Variants in MKRN2 observed in about 807,000 individuals in gnomAD.
The protein encoded by MKRN2 is makorin ring finger protein 2, also known as E3 ubiquitin-protein ligase makorin-2.
A neutral mutation model predicts 45.4 loss-of-function variants in MKRN2; 32 were observed. The observed-to-expected ratio is 0.70, with a 90% confidence interval of 0.53 to 0.95. The LOEUF is 0.95. MKRN2 is among the 40% of genes least tolerant of loss of function. The probability of loss-of-function intolerance (pLI) is 0.00; values close to 1 mark genes in which losing one functional copy is unlikely to be tolerated. For missense variants in MKRN2, 526 were observed against 536.7 expected (o/e 0.98, Z 0.20); for synonymous variants, 206 against 192.4 (o/e 1.07, Z -0.59).
intron 1 of MKRN2, among the ~76,000 whole-genome samples, chr3:12,557,538 G>A (rs2057988998): frequency 6.6e-6 from 1 of 152,266 alleles, no homozygotes; most frequent in South Asian, 2.1e-4. Flanking sequence ...TGAGTAAAGG[G>A]ACGCCGAGAG....
chr3:12,574,642 C>G (rs2058119695), intron 4 of MKRN2, 150 bp from the exon 5 acceptor site: 1 of 719,554 alleles, frequency 1.4e-6, no homozygotes, highest in Non-Finnish European at 2.4e-6. Flanking sequence ...AGTGTCCTGA[C>G]TTGGGGGAGC....
intron 4 of MKRN2, among the ~76,000 whole-genome samples, chr3:12,574,195 G>A (rs369538708): frequency 3.3e-5 from 5 of 152,228 alleles, no homozygotes; most frequent in African/African-American, 9.6e-5. Context: ...AGGTCTCTGC[G>A]GTGAGTGTTG....
intron 6 of MKRN2, among the ~76,000 whole-genome samples, chr3:12,579,210 C>A (rs2058162474): frequency 6.6e-6 from 1 of 152,106 alleles, no homozygotes; most frequent in Non-Finnish European, 1.5e-5. Context: ...GCTCTGTCAC[C>A]CAGGCTGGCA....
intron 7 of MKRN2, 50 bp from the exon 8 acceptor site, chr3:12,582,066 T>C: frequency 6.2e-7 from 1 of 1,611,644 alleles, no homozygotes; most frequent in Non-Finnish European, 8.5e-7. Context: ...AACGCAGCCT[T>C]CCTGTTGCTC....
Position 12,583,417 on chromosome 3 carries a change from A to AT in MKRN2, c.*1169dup, listed in dbSNP as rs1483990632. On this transcript the variant is annotated 3_prime_UTR_variant, in exon 8 of 8. Transcript: ENST00000170447. ...GTTTAGAGTACTTTCTGCTTAATTA[A>AT]TTTTTATACTTAACTCTTCAGTAGA... 2 of 182,778 alleles carry AT rather than the reference A, an allele frequency of 1.1e-5. No homozygotes were observed. The highest frequency in any genetic ancestry group is 2.3e-5 in the Non-Finnish European group (2 of 86,134). 11.3% of individuals were successfully genotyped at this position (182,778 alleles called of 1,614,324 possible). A position where few individuals can be genotyped will look rare whatever the true frequency, so the allele number is the denominator to read the frequency against.
intron 1 of MKRN2, among the ~76,000 whole-genome samples, chr3:12,559,986 G>A (rs1200906463): frequency 6.6e-6 from 1 of 152,172 alleles, no homozygotes. Flanking sequence ...CAGCTGGCAG[G>A]TGGTAGGAAG....
Position 12,570,086 on chromosome 3 carries a change from G to A in MKRN2, c.171G>A (p.Arg57=). 1 of 1,611,336 alleles carries A rather than the reference G, an allele frequency of 6.2e-7. No individual in the cohort carries two copies. The highest frequency in any genetic ancestry group is 8.5e-7 in the Non-Finnish European group (1 of 1,179,214). Reference sequence around the variant, plus strand: ...TTTTGTTTAGATATGACCACACGAGGCCCTCTGCTGCAGCTGGAGGTGCTG... The same window carrying A: ...TTTTGTTTAGATATGACCACACGAGACCCTCTGCTGCAGCTGGAGGTGCTG... The part of the protein sequence containing the change: ...YGTRCRYDHT[R]PSAAAGGAVG... The change falls in exon 3 of 8, where the codon AGG becomes AGA. Residue 57 remains arginine, a synonymous_variant. Transcript: ENST00000170447.
In MKRN2 at chr3:12,570,083, G is replaced by A. The variant is rs773534329; in HGVS notation, c.168G>A (p.Thr56=). The part of the protein sequence containing the change: ...AYGTRCRYDH[T]RPSAAAGGAV... ...GTGTTTTGTTTAGATATGACCACACGAGGCCCTCTGCTGCAGCTGGAGGTG... is the reference window on the plus strand; with the variant it reads ...GTGTTTTGTTTAGATATGACCACACAAGGCCCTCTGCTGCAGCTGGAGGTG... The change falls in exon 3 of 8, where the codon ACG becomes ACA. Residue 56 remains threonine (T), a synonymous_variant. Transcript: ENST00000170447. 49 of 1,610,926 alleles carry A rather than the reference G, an allele frequency of 3.0e-5. No individual in the cohort carries two copies. Among genetic ancestry groups the A allele is most frequent in the Non-Finnish European group, 3.7e-5 (44 of 1,179,086 alleles).
At chr3:12,579,145 C>T (rs891084291) in intron 6 of MKRN2, among the ~76,000 whole-genome samples, 2 of 152,144 alleles carry the variant, frequency 1.3e-5, no homozygotes, top group Non-Finnish European at 2.9e-5. Context: ...TCTAGCTAAG[C>T]ACCACTGGGG....
At chr3:12,573,822 G>T (rs1396518704) in intron 4 of MKRN2, among the ~76,000 whole-genome samples, 1 of 152,042 alleles carries the variant, frequency 6.6e-6, no homozygotes. Context: ...GAACCCAGGA[G>T]GTGGAGCTTG....
At position 12,557,121 on chromosome 3, in the gene MKRN2, G is replaced by T. The variant is rs1325419292; in HGVS notation, c.-30G>T. On this transcript the variant is annotated 5_prime_UTR_variant, in exon 1 of 8. Transcript: ENST00000170447. The stretch of plus-strand genomic sequence containing the variant: ...GCGGCAGCGGCTGCGAGAGGCGGCG[G>T]CACGACGACGGTCCCTCAGCCCAGC... 5 of 1,495,420 alleles carry T rather than the reference G, an allele frequency of 3.3e-6. No individual in the cohort carries two copies. In the Admixed American group the frequency reaches 1.1e-4, roughly 33 times the overall value. The allele number at this position is 1,495,420 out of a possible 1,614,324, so 92.6% of individuals were successfully genotyped here.
intron 3 of MKRN2, 125 bp downstream of exon 3, chr3:12,570,377 C>T (rs549503063): frequency 7.8e-5 from 75 of 965,342 alleles, no homozygotes; most frequent in South Asian, 7.3e-4. Flanking sequence ...ATTGTCTGCG[C>T]GGAGAGACTT....
chr3:12,575,021 G>C lies in MKRN2; in HGVS notation c.857+15G>C, dbSNP rs748564051. On this transcript the variant is annotated intron_variant, in intron 5 of 7. Coordinates refer to ENST00000170447, the MANE Select transcript of MKRN2 (RefSeq NM_014160.5). ...CCAATCATTAAGTAAGTACAGCCAG[G>C]GGTCTTAGCTGTGGGAGCTAGGAGA... 6.8e-6 allele frequency: 11 copies of C among 1,607,834 alleles called. No individual in the cohort carries two copies. The East Asian group carries it at 2.2e-4, about 33-fold the overall frequency.
Position 12,583,243 on chromosome 3 carries a change from ATT to A in MKRN2, c.*993_*994del. On this transcript the variant is annotated 3_prime_UTR_variant, in exon 8 of 8. Coordinates refer to ENST00000170447, the MANE Select transcript of MKRN2 (RefSeq NM_014160.5). ...GATGGCAAGTCTTGTAGTCATTTTG[ATT>A]TTAATTGAAGGGTGAGCATAACCTT... is the stretch of plus-strand genomic sequence containing the variant. 6.6e-6 allele frequency: 1 copy of A among 152,376 alleles called. No homozygotes were observed. Among genetic ancestry groups the A allele is most frequent in the East Asian group, 1.9e-4 (1 of 5,218 alleles). The allele number at this position is 152,376 out of a possible 1,614,324, so 9.4% of individuals were successfully genotyped here.
chr3:12,571,356 G>T (rs6788856), intron 3 of MKRN2, among the ~76,000 whole-genome samples: 19,866 of 152,048 alleles, frequency 0.13, 1,481 homozygotes, highest in Admixed American at 0.21. Context: ...TGATCCGCCC[G>T]CCTCGGCCTC....
At chr3:12,568,783 G>A (rs191339529) in intron 1 of MKRN2, 92 bp from the exon 2 acceptor site, 3 of 1,506,946 alleles carry the variant, frequency 2.0e-6, no homozygotes, top group East Asian at 4.5e-5. Context: ...ATATATGCCT[G>A]GTAAATGTTT....
At chr3:12,574,368 C>G (rs762167806) in intron 4 of MKRN2, among the ~76,000 whole-genome samples, 1 of 152,214 alleles carries the variant, frequency 6.6e-6, no homozygotes, top group Non-Finnish European at 1.5e-5. Context: ...TTACATAGGA[C>G]TAGGCTGCCA....
chr3:12,570,114 G>T lies in MKRN2; in HGVS notation c.199G>T (p.Gly67Cys). ...RPSAAAGGAV[G>C]TMAHSVPSPA... ...CTCTGCTGCAGCTGGAGGTGCTGTG[G>T]GCACCATGGCCCACAGTGTGCCCTC... The change falls in exon 3 of 8, where the codon GGC becomes TGC. Residue 67 changes from glycine (G) to cysteine (C), a missense_variant. By Grantham distance (159) the Gly-to-Cys change is radical. Transcript: ENST00000170447. 1.9e-6 allele frequency: 3 copies of T among 1,613,756 alleles called. No individual in the cohort carries two copies. Among genetic ancestry groups the T allele is most frequent in the Non-Finnish European group, 2.5e-6 (3 of 1,179,986 alleles).
intron 6 of MKRN2, among the ~76,000 whole-genome samples, chr3:12,578,860 T>C (rs2058160080): frequency 9.9e-6 from 1 of 100,752 alleles, no homozygotes; most frequent in African/African-American, 4.7e-5. Flanking sequence ...AAAGCTTGAT[T>C]TTTTTTTTTT....
Sources: allele counts gnomAD v4.1 joint callset (sites outside exome capture counted in the v4.1 genomes callset), GRCh38; gene constraint gnomAD v4.1.1; transcripts MANE v1.5; gene names NCBI Gene and HGNC (gene_info 2026-07-23, HGNC 2026-07-21).